Variants in KLHL3 observed in about 807,000 individuals in gnomAD.
KLHL3 encodes kelch like family member 3, also known as kelch-like protein 3.
A neutral mutation model predicts 70.5 loss-of-function variants in KLHL3; 19 were observed. The ratio of observed to expected loss-of-function variants is 0.27; its 90% confidence interval spans 0.19 to 0.40. KLHL3 has a LOEUF of 0.40. Among genes scored for constraint, KLHL3 ranks in the 10% least tolerant of loss-of-function variants. The pLI, the probability that KLHL3 is intolerant of heterozygous loss-of-function variation, is 1.00. For missense variants in KLHL3, 512 were observed against 771.1 expected, an observed-to-expected ratio of 0.66 and a Z score of 3.98; for synonymous variants, 258 against 290.3, an observed-to-expected ratio of 0.89 and a Z score of 1.13.
At chr5:137,650,069 T>C (rs1246179072) in intron 8 of KLHL3, among the ~76,000 whole-genome samples, 1 of 152,216 alleles carries the variant, frequency 6.6e-6, no homozygotes, top group Non-Finnish European at 1.5e-5. Flanking sequence ...GTAATTAGTA[T>C]TTAAACAATA....
intron 5 of KLHL3, among the ~76,000 whole-genome samples, chr5:137,690,786 G>C (rs1335365944): frequency 1.3e-5 from 2 of 151,958 alleles, no homozygotes; most frequent in African/African-American, 4.8e-5. Flanking sequence ...CAGGTAGCTA[G>C]CTGGCAGGTG....
intron 3 of KLHL3, among the ~76,000 whole-genome samples, chr5:137,709,083 T>C (rs1168649779): frequency 6.6e-6 from 1 of 152,132 alleles, no homozygotes; most frequent in Admixed American, 6.5e-5. Context: ...AACTAACAGA[T>C]GGGAAATATT....
intron 5 of KLHL3, among the ~76,000 whole-genome samples, chr5:137,690,923 G>A (rs1752305060): frequency 6.6e-6 from 1 of 152,132 alleles, no homozygotes; most frequent in South Asian, 2.1e-4. Context: ...GGAAGAAGGT[G>A]GCCATGACTG....
At chr5:137,710,100 T>C (rs1273587509) in intron 2 of KLHL3, among the ~76,000 whole-genome samples, 2 of 152,158 alleles carry the variant, frequency 1.3e-5, no homozygotes, top group Non-Finnish European at 2.9e-5. Flanking sequence ...TGGCTGTAAA[T>C]TCCAGGCTGC....
At chr5:137,696,242 C>T (rs370914015) in intron 4 of KLHL3, among the ~76,000 whole-genome samples, 81 of 152,280 alleles carry the variant, frequency 5.3e-4, no homozygotes, top group East Asian at 1.7e-3. Flanking sequence ...AGCCAGGGGG[C>T]GCAGGTGTTG....
At chr5:137,724,766 C>T (rs188016955) in intron 1 of KLHL3, among the ~76,000 whole-genome samples, 130 of 152,250 alleles carry the variant, frequency 8.5e-4, no homozygotes, top group African/African-American at 2.5e-3. Flanking sequence ...GGAAGGTACA[C>T]GCTTCTTGGC....
intron 8 of KLHL3, among the ~76,000 whole-genome samples, chr5:137,642,143 G>A (rs1020878115): frequency 5.3e-5 from 8 of 152,134 alleles, no homozygotes; most frequent in East Asian, 1.9e-4. Flanking sequence ...TTGTCTTTCC[G>A]GTTTTGAGTT....
chr5:137,720,593 A>T lies in KLHL3; in HGVS notation c.15-9T>A. ...GGGAGCTCAGCTTGACACTGTGAAC[A>T]GGAAGGAAGAGGGAGGGAAAGAGAA... On this transcript the variant is annotated splice_polypyrimidine_tract_variant and intron_variant, in intron 1 of 14. Transcript: ENST00000309755. 6.2e-7 allele frequency: 1 copy of T among 1,613,782 alleles called. No homozygotes were observed. Among genetic ancestry groups the T allele is most frequent in the Non-Finnish European group, 8.5e-7 (1 of 1,179,978 alleles).
intron 13 of KLHL3, among the ~76,000 whole-genome samples, chr5:137,626,639 T>C (rs1193432192): frequency 2.0e-5 from 3 of 152,208 alleles, no homozygotes; most frequent in African/African-American, 7.2e-5. Context: ...TACTCTCAAA[T>C]ACTGGTGAGA....
In KLHL3 at chr5:137,619,190, A is replaced by C. The variant is rs928843280; in HGVS notation, c.*2908T>G. The stretch of plus-strand genomic sequence containing the variant: ...TACAAACATTACACAACAGATATCA[A>C]AGTAAGACAGCTCAAAAAGCATCTT... On this transcript the variant is annotated 3_prime_UTR_variant, in exon 15 of 15. Transcript: ENST00000309755. 2.0e-5 allele frequency: 3 copies of C among 152,686 alleles called. No individual in the cohort carries two copies. The highest frequency in any genetic ancestry group is 7.2e-5 in the African/African-American group (3 of 41,472). 9.5% of individuals were successfully genotyped at this position (152,686 alleles called of 1,614,324 possible). A position where few individuals can be genotyped will look rare whatever the true frequency, so the allele number is the denominator to read the frequency against.
rs78531413 is a variant in KLHL3, at chr5:137,723,084, T to C, written c.15-2500A>G. Among the ~76,000 whole-genome samples the C allele has an allele frequency of 3.7e-3, 570 of 152,348 alleles. 3 individuals carry two copies. Among genetic ancestry groups the C allele is most frequent in the African/African-American group, 0.013 (534 of 41,578 alleles). ...ATCTGTCATGCCATCTTAGGTCACATATTAAAGTTCCAGATACAAAGAGAT... is the reference window on the plus strand; with the variant it reads ...ATCTGTCATGCCATCTTAGGTCACACATTAAAGTTCCAGATACAAAGAGAT... On this transcript the variant is annotated intron_variant, in intron 1 of 14. Coordinates refer to ENST00000309755, the MANE Select transcript of KLHL3 (RefSeq NM_017415.3).
chr5:137,691,274 CTATAAT>C (rs1190929581), intron 5 of KLHL3, among the ~76,000 whole-genome samples: 6 of 152,090 alleles, frequency 3.9e-5, no homozygotes, highest in Non-Finnish European at 8.8e-5. Context: ...TAAAAAAACA[CTATAAT>C]TATAATAGAT....
chr5:137,639,257 A>G lies in KLHL3; in HGVS notation c.1022-107T>C. The G allele has an allele frequency of 9.8e-7, 1 of 1,017,596 alleles. No homozygotes were observed. 63.0% of individuals were successfully genotyped at this position (1,017,596 alleles called of 1,614,324 possible). On this transcript the variant is annotated intron_variant, in intron 9 of 14. Coordinates refer to ENST00000309755, the MANE Select transcript of KLHL3 (RefSeq NM_017415.3). This position sits in a 1 kb window ranked among gnomAD's most constrained non-coding sequence, Gnocchi z 5.0. ...ACAGACACAGGAAAAGTCGCCACCG[A>G]AGATACTTTAGGTATTTGGCAGTCA...
intron 2 of KLHL3, among the ~76,000 whole-genome samples, chr5:137,720,128 C>T (rs1345116302): frequency 1.3e-5 from 2 of 151,932 alleles, no homozygotes; most frequent in Non-Finnish European, 2.9e-5. Context: ...GGTGAAACCC[C>T]GTCTCTACTA....
chr5:137,692,819 T>TACACACACAC (rs3045645), intron 4 of KLHL3: 1,940 of 168,248 alleles, frequency 0.012, 24 homozygotes, highest in African/African-American at 0.028. Flanking sequence ...AACAAAACTC[T>TACACACACAC]ACACACACAC....
At chr5:137,692,939 A>G (rs1246427545) in intron 4 of KLHL3, among the ~76,000 whole-genome samples, 3 of 152,128 alleles carry the variant, frequency 2.0e-5, no homozygotes, top group African/African-American at 7.2e-5. Flanking sequence ...AAAAGAATCT[A>G]ACTCAATAGG....
intron 1 of KLHL3, among the ~76,000 whole-genome samples, chr5:137,735,234 A>G (rs1014690954): frequency 1.3e-5 from 2 of 152,178 alleles, no homozygotes; most frequent in African/African-American, 2.4e-5. Flanking sequence ...CAGCCCCACT[A>G]TGACATCAAA....
At chr5:137,637,475 G>T in intron 10 of KLHL3, 80 bp from the exon 11 acceptor site, 1 of 1,227,170 alleles carries the variant, frequency 8.1e-7, no homozygotes. Context: ...GATGGGGGAG[G>T]AGTCCAAATG....
At chr5:137,665,655 A>G (rs948640267) in intron 6 of KLHL3, among the ~76,000 whole-genome samples, 1 of 152,206 alleles carries the variant, frequency 6.6e-6, no homozygotes, top group East Asian at 1.9e-4. Context: ...AACTACAACA[A>G]AATTTATAGG....
Sources: allele counts gnomAD v4.1 joint callset (sites outside exome capture counted in the v4.1 genomes callset), GRCh38; gene constraint gnomAD v4.1.1; non-coding constraint Gnocchi (gnomAD v3.1); transcripts MANE v1.5; gene names NCBI Gene and HGNC (gene_info 2026-07-23, HGNC 2026-07-21).